The following QRICH1 variants were observed in gnomAD, a reference collection of about 807,000 sequenced individuals.
QRICH1 encodes the protein transcriptional regulator QRICH1.
In QRICH1, 16 loss-of-function variants were observed where a neutral mutation model predicts 87.1. The observed-to-expected ratio is 0.18, with a 90% confidence interval of 0.12 to 0.28. QRICH1 has a LOEUF of 0.28. Among genes scored for constraint, QRICH1 ranks in the 10% least tolerant of loss-of-function variants. The pLI is 1.00. For synonymous variants in QRICH1, 367 were observed against 368.4 expected (o/e 1.00, Z 0.05); for missense variants, 647 against 951.7 (o/e 0.68, Z 4.21).
chr3:49,069,602 C>T (rs2093489506), intron 2 of QRICH1, among the ~76,000 whole-genome samples: 2 of 144,600 alleles, frequency 1.4e-5, no homozygotes, highest in South Asian at 2.2e-4. Context: ...TCCACCTCAG[C>T]CTCTTCAGTA....
rs184336021 is a variant in QRICH1 at position 49,034,391 on chromosome 3, G to A, written c.1787-1163C>T. Among the ~76,000 whole-genome samples the A allele has an allele frequency of 2.9e-3, 443 of 151,168 alleles. 4 individuals carry two copies. Among genetic ancestry groups the A allele is most frequent in the African/African-American group, 0.01 (420 of 41,134 alleles). ...TGGGAGGTCAAGGCTGCAGTGAGCC[G>A]TGATCGCACCACTGTACTTAAGCCT... On this transcript the variant is annotated intron_variant, in intron 6 of 9. Coordinates refer to ENST00000395443, the MANE Select transcript of QRICH1 (RefSeq NM_198880.3).
At chr3:49,058,021 T>G (rs767311657) in intron 2 of QRICH1, 131 bp from the exon 3 acceptor site, 2 of 1,488,498 alleles carry the variant, frequency 1.3e-6, no homozygotes, top group African/African-American at 2.8e-5. Context: ...ACTCAAGGCT[T>G]CTGAGAAGGA....
chr3:49,036,591 C>G (rs192351416), intron 6 of QRICH1, among the ~76,000 whole-genome samples: 6 of 151,504 alleles, frequency 4.0e-5, no homozygotes, highest in Non-Finnish European at 8.8e-5. Flanking sequence ...TGTAAGTTCA[C>G]AATGACTCTT....
intron 3 of QRICH1, 112 bp from the exon 4 acceptor site, chr3:49,047,358 T>C: frequency 9.7e-7 from 1 of 1,032,452 alleles, no homozygotes; most frequent in Non-Finnish European, 1.4e-6. Context: ...AATATTTCTC[T>C]ACTCATTGCT....
At chr3:49,046,374 A>T in intron 5 of QRICH1, 51 bp downstream of exon 5, 1 of 1,542,716 alleles carries the variant, frequency 6.5e-7, no homozygotes, top group Non-Finnish European at 8.8e-7. Context: ...ACTAGCAAAC[A>T]TCCAATAGGA....
intron 3 of QRICH1, among the ~76,000 whole-genome samples, chr3:49,053,116 C>T (rs555189378): frequency 5.9e-5 from 9 of 152,080 alleles, no homozygotes; most frequent in Non-Finnish European, 1.0e-4. Flanking sequence ...GAGGAGAAGG[C>T]ACCGGTAAGC....
chr3:49,069,765 C>A (rs2093490220), intron 2 of QRICH1, among the ~76,000 whole-genome samples: 2 of 151,936 alleles, frequency 1.3e-5, no homozygotes, highest in Admixed American at 1.3e-4. Context: ...CAGGTATGAG[C>A]CACTGCACCC....
chr3:49,032,324 C>T, intron 8 of QRICH1, 51 bp from the exon 9 acceptor site: 2 of 1,429,824 alleles, frequency 1.4e-6, no homozygotes, highest in Non-Finnish European at 2.0e-6. Flanking sequence ...GACTGCCTTA[C>T]CTCAGGCCCA....
intron 2 of QRICH1, among the ~76,000 whole-genome samples, chr3:49,067,868 T>C (rs918379841): frequency 6.6e-6 from 1 of 151,220 alleles, no homozygotes; most frequent in Non-Finnish European, 1.5e-5. Flanking sequence ...GGAGAACCAC[T>C]TGAACCCAGG....
chr3:49,092,833 A>G (rs554171054), intron 1 of QRICH1, among the ~76,000 whole-genome samples: 23 of 152,328 alleles, frequency 1.5e-4, no homozygotes, highest in Non-Finnish European at 2.5e-4. Context: ...GATTTCTGCA[A>G]TTTCAAAAAA....
intron 6 of QRICH1, among the ~76,000 whole-genome samples, chr3:49,042,870 G>A (rs1298684625): frequency 2.0e-5 from 3 of 152,054 alleles, no homozygotes; most frequent in Non-Finnish European, 4.4e-5. Flanking sequence ...ACCATGCCTG[G>A]CCCAGAAGAG....
chr3:49,082,516 T>C (rs996596229), intron 1 of QRICH1, among the ~76,000 whole-genome samples: 2 of 152,088 alleles, frequency 1.3e-5, no homozygotes, highest in African/African-American at 4.8e-5. Context: ...AAGCTAGATA[T>C]TCAGCTGTCA....
intron 3 of QRICH1, among the ~76,000 whole-genome samples, chr3:49,056,347 C>T (rs1411149310): frequency 6.6e-6 from 1 of 152,198 alleles, no homozygotes; most frequent in Non-Finnish European, 1.5e-5. Flanking sequence ...ATGGTGATCA[C>T]TTTTAACAGG....
chr3:49,084,933 G>A (rs903564891), intron 1 of QRICH1, among the ~76,000 whole-genome samples: 2 of 152,144 alleles, frequency 1.3e-5, no homozygotes, highest in Non-Finnish European at 2.9e-5. Context: ...ACCAGATCAG[G>A]AGATCGAGAC....
At chr3:49,071,488 C>T (rs1241552708) in intron 2 of QRICH1, among the ~76,000 whole-genome samples, 3 of 152,108 alleles carry the variant, frequency 2.0e-5, no homozygotes, top group South Asian at 2.1e-4. Flanking sequence ...GCCTAGGGGC[C>T]AGGTGCAATG....
At chr3:49,067,112 G>A (rs1442083349) in intron 2 of QRICH1, among the ~76,000 whole-genome samples, 1 of 152,120 alleles carries the variant, frequency 6.6e-6, no homozygotes, top group Non-Finnish European at 1.5e-5. Flanking sequence ...TGTGGCTAAT[G>A]GCTATTGTTA....
At chr3:49,032,944 G>T in intron 7 of QRICH1, 171 bp from the exon 8 acceptor site, 1 of 950,300 alleles carries the variant, frequency 1.1e-6, no homozygotes, top group South Asian at 1.8e-5. Context: ...GGATGGTAGG[G>T]GTCTGGCAAG....
rs768548620 is a variant in QRICH1 at position 49,030,661 on chromosome 3, TA to T, written c.2139-18del. On this transcript the variant is annotated intron_variant, in intron 9 of 9. Coordinates refer to ENST00000395443, the MANE Select transcript of QRICH1 (RefSeq NM_198880.3). The stretch of plus-strand genomic sequence containing the variant: ...CTCTGGGGGCTGAAGAATATGCGGA[TA>T]AAAGTTGGGTACCACCAATATAACT... The T allele has an allele frequency of 2.0e-6, 3 of 1,532,484 alleles. No homozygotes were observed. Among genetic ancestry groups the T allele is most frequent in the Admixed American group, 4.0e-5 (2 of 49,510 alleles). The allele number at this position is 1,532,484 out of a possible 1,614,324, so 94.9% of individuals were successfully genotyped here.
At chr3:49,061,724 T>A (rs1017643966) in intron 2 of QRICH1, among the ~76,000 whole-genome samples, 1 of 152,014 alleles carries the variant, frequency 6.6e-6, no homozygotes, top group East Asian at 1.9e-4. Context: ...TGGTGGTGCA[T>A]GCCTGTAATC....
Sources: gnomAD v4.1 joint callset for allele counts (sites outside exome capture counted in the v4.1 genomes callset) on GRCh38, gnomAD v4.1.1 for gene constraint, MANE v1.5 for transcripts, NCBI Gene and HGNC (gene_info 2026-07-23, HGNC 2026-07-21) for gene names.